ITPR1: variants seen among roughly 807,000 people sequenced by gnomAD.
ITPR1 encodes inositol 1,4,5-trisphosphate-gated calcium channel ITPR1.
A neutral mutation model predicts 318.4 loss-of-function variants in ITPR1; 96 were observed. That is an observed-to-expected ratio of 0.30 (90% CI 0.26 to 0.36). The LOEUF (loss-of-function observed/expected upper bound fraction) is 0.36, where lower values mean the gene tolerates loss of function less well. ITPR1 is among the 10% of genes least tolerant of loss of function. The pLI, the probability that ITPR1 is intolerant of heterozygous loss-of-function variation, is 1.00. For synonymous variants in ITPR1, 1,312 were observed against 1,289.9 expected (o/e 1.02, Z -0.37); for missense variants, 2,440 against 3,460.2 (o/e 0.71, Z 7.40).
At chr3:4,650,630 TGTGTGTGTGTGTGTGCGC>T (rs900606460) in intron 10 of ITPR1, among the ~76,000 whole-genome samples, 6 of 142,814 alleles carry the variant, frequency 4.2e-5, no homozygotes, top group East Asian at 2.0e-4. Flanking sequence ...TGTGTGTGTG[TGTGTGTGTGTGTGTGCGC>T]GCGTCTGTCT....
Position 4,618,137 on chromosome 3 carries a change from C to T in ITPR1, c.164-9626C>T, listed in dbSNP as rs143763710. 6.3e-4 allele frequency among the ~76,000 whole-genome samples: 96 copies of T among 152,100 alleles called. 1 individual carries two copies. The highest frequency in any genetic ancestry group is 2.0e-3 in the African/African-American group (84 of 41,462). On this transcript the variant is annotated intron_variant, in intron 4 of 61. Coordinates refer to ENST00000649015, the MANE Select transcript of ITPR1 (RefSeq NM_001378452.1). ...GAAATGTTTTGGAACTAGATAAAGACGATGGTTTTACAACATTGTGACTGT... is the reference window on the plus strand; with the variant it reads ...GAAATGTTTTGGAACTAGATAAAGATGATGGTTTTACAACATTGTGACTGT...
intron 4 of ITPR1, among the ~76,000 whole-genome samples, chr3:4,623,704 G>C (rs376853094): frequency 6.6e-6 from 1 of 152,322 alleles, no homozygotes; most frequent in East Asian, 1.9e-4. Context: ...AATTTTGGAA[G>C]GTTATTCTAA....
intron 4 of ITPR1, among the ~76,000 whole-genome samples, chr3:4,603,204 C>G (rs896317491): frequency 6.6e-6 from 1 of 151,772 alleles, no homozygotes; most frequent in Non-Finnish European, 1.5e-5. Context: ...TTTTTACAGT[C>G]AGCTATAATT....
At chr3:4,803,447 G>C (rs1435981033) in intron 54 of ITPR1, among the ~76,000 whole-genome samples, 5 of 152,210 alleles carry the variant, frequency 3.3e-5, no homozygotes, top group African/African-American at 1.2e-4. Context: ...GTCATGCAAA[G>C]ATTTAGTTTT....
chr3:4,648,547 T>C (rs879695371), intron 10 of ITPR1, among the ~76,000 whole-genome samples: 1 of 152,220 alleles, frequency 6.6e-6, no homozygotes, highest in Admixed American at 6.5e-5. Context: ...CGATGGCTCA[T>C]GCCTGTAATC....
Position 4,800,587 on chromosome 3 carries a change from TG to T in ITPR1, c.7097del (p.Gly2366AlafsTer12). 1 of 1,614,064 alleles carries T rather than the reference TG, an allele frequency of 6.2e-7. No individual in the cohort carries two copies. The highest frequency in any genetic ancestry group is 8.5e-7 in the Non-Finnish European group (1 of 1,179,878). On this transcript the variant is annotated frameshift_variant, in exon 54 of 62. Transcript: ENST00000649015. LOFTEE classifies it high-confidence loss of function. ...GGGTTACAACCCACGTTGTTTCTTC[TG>T]GGCGCTTTCAATGTAAGTGTGAATA... ...SVGLQPTLFL[L>X]GAFNVCNKII...
Position 4,669,166 on chromosome 3 carries a change from C to T in ITPR1, c.1887-488C>T, listed in dbSNP as rs78323533. Among the ~76,000 whole-genome samples the T allele has an allele frequency of 7.2e-3, 1,091 of 152,294 alleles. 8 individuals carry two copies. The highest frequency in any genetic ancestry group is 0.026 in the African/African-American group (1,062 of 41,556). Reference sequence around the variant, plus strand: ...CTTCCGTTAATTATCTCATTTAATCCGCAGGACAGCCCTCAGAAGTGACAC... The same window carrying T: ...CTTCCGTTAATTATCTCATTTAATCTGCAGGACAGCCCTCAGAAGTGACAC... On this transcript the variant is annotated intron_variant, in intron 18 of 61. Transcript: ENST00000649015.
intron 6 of ITPR1, among the ~76,000 whole-genome samples, chr3:4,640,698 C>A (rs2093317088): frequency 6.6e-6 from 1 of 152,230 alleles, no homozygotes; most frequent in African/African-American, 2.4e-5. Context: ...TATCACTTTG[C>A]TCACCAGCAA....
chr3:4,654,832 T>C (rs1025009018), intron 12 of ITPR1, among the ~76,000 whole-genome samples: 3 of 152,218 alleles, frequency 2.0e-5, no homozygotes, highest in Non-Finnish European at 2.9e-5. Context: ...CTTCTAGTTA[T>C]GTCTTGGTGA....
intron 17 of ITPR1, among the ~76,000 whole-genome samples, 177 bp downstream of exon 17, chr3:4,665,473 G>A (rs551523302): frequency 6.6e-6 from 1 of 152,302 alleles, no homozygotes; most frequent in African/African-American, 2.4e-5. Flanking sequence ...TTACCTAATC[G>A]TTAAGAAACG....
rs192425767 is a variant in ITPR1, at chr3:4,793,626, C to T, written c.6809-1439C>T. Among the ~76,000 whole-genome samples the T allele has an allele frequency of 7.9e-5, 12 of 152,324 alleles. No individual in the cohort carries two copies. The East Asian group carries it at 1.7e-3, about 22-fold the overall frequency. On this transcript the variant is annotated intron_variant, in intron 52 of 61. Coordinates refer to ENST00000649015, the MANE Select transcript of ITPR1 (RefSeq NM_001378452.1). ...ACTTACCAAAGAAAGTACATTGCTA[C>T]GTAGTGGTTGACTGGGTCCTGGCTG...
intron 5 of ITPR1, 123 bp downstream of exon 5, chr3:4,628,001 T>C: frequency 1.6e-6 from 1 of 614,622 alleles, no homozygotes; most frequent in South Asian, 2.5e-5. Context: ...TTTCTACTTT[T>C]TTTTTCGTGA....
chr3:4,774,666 GC>G (rs2046378736), intron 46 of ITPR1, among the ~76,000 whole-genome samples: 1 of 152,130 alleles, frequency 6.6e-6, no homozygotes. Flanking sequence ...ACCTGCTCAG[GC>G]ACATGCACAC....
At chr3:4,614,536 C>G (rs933591413) in intron 4 of ITPR1, among the ~76,000 whole-genome samples, 6 of 152,204 alleles carry the variant, frequency 3.9e-5, no homozygotes, top group African/African-American at 1.4e-4. Flanking sequence ...GAAACTAAAA[C>G]TTATAGAGAT....
At chr3:4,657,310 G>T (rs2093732160) in intron 12 of ITPR1, among the ~76,000 whole-genome samples, 1 of 151,408 alleles carries the variant, frequency 6.6e-6, no homozygotes, top group Non-Finnish European at 1.5e-5. Context: ...GAATCCAGCT[G>T]CCCACAACCA....
At chr3:4,785,415 T>A (rs1008468247) in intron 51 of ITPR1, among the ~76,000 whole-genome samples, 2 of 152,226 alleles carry the variant, frequency 1.3e-5, no homozygotes, top group Non-Finnish European at 2.9e-5. Flanking sequence ...ACAAAGATTT[T>A]AAAGAATGGA....
chr3:4,500,716 C>T (rs2080956119), intron 2 of ITPR1, among the ~76,000 whole-genome samples: 1 of 152,042 alleles, frequency 6.6e-6, no homozygotes, highest in Admixed American at 6.5e-5. Context: ...TGGGTTTAGC[C>T]TTAGTGTCCT....
At chr3:4,766,836 C>T (rs2045848583) in intron 45 of ITPR1, 126 bp downstream of exon 45, 1 of 707,090 alleles carries the variant, frequency 1.4e-6, no homozygotes, top group African/African-American at 1.8e-5. Flanking sequence ...GAAGAAATGC[C>T]AGCCTGGTTA....
rs1034885848 is a variant in ITPR1 at position 4,692,433 on chromosome 3, T to A, written c.4030-1057T>A. Among the ~76,000 whole-genome samples, 10 of 152,202 alleles carry A rather than the reference T, an allele frequency of 6.6e-5. No homozygotes were observed. In the South Asian group the frequency reaches 1.0e-3, roughly 16 times the overall value. On this transcript the variant is annotated intron_variant, in intron 32 of 61. Transcript: ENST00000649015. ...ATTTAATCTACATAGCACTGTGAGT[T>A]AGCTATTGTATTTGTCCTGGTTTCA...
Sources: gnomAD v4.1 joint callset for allele counts (sites outside exome capture counted in the v4.1 genomes callset) on GRCh38, gnomAD v4.1.1 for gene constraint, MANE v1.5 for transcripts, NCBI Gene and HGNC (gene_info 2026-07-23, HGNC 2026-07-21) for gene names.